The following RBP5 variants were observed in gnomAD, a reference collection of about 807,000 sequenced individuals.
RBP5 encodes the protein retinol binding protein 5.
A neutral mutation model predicts 17.8 loss-of-function variants in RBP5; 12 were observed. That is an observed-to-expected ratio of 0.67 (90% CI 0.43 to 1.09). RBP5 has a LOEUF of 1.09. Among genes scored for constraint, RBP5 ranks in the 50% least tolerant of loss-of-function variants. RBP5 has a pLI of 0.00. For missense variants in RBP5, 172 were observed against 169.4 expected, an observed-to-expected ratio of 1.02 and a Z score of -0.09; for synonymous variants, 64 against 68.1, an observed-to-expected ratio of 0.94 and a Z score of 0.30.
intron 2 of RBP5, among the ~76,000 whole-genome samples, chr12:7,126,475 C>A (rs150433255): frequency 1.4e-3 from 186 of 130,496 alleles, no homozygotes; most frequent in African/African-American, 5.4e-3. Flanking sequence ...ACAAAGATTT[C>A]TTGGCCGATT....
At chr12:7,129,699 A>G (rs928772999), upstream of RBP5, 15 of 985,486 alleles carry the variant, frequency 1.5e-5, no homozygotes, top group Admixed American at 6.1e-5. This position sits in a 1 kb window ranked among gnomAD's most constrained non-coding sequence, Gnocchi z 5.5. Context: ...CAGCTGCCCA[A>G]TTCTCTCTCG....
intron 3 of RBP5, chr12:7,118,529 G>T (rs779200959): frequency 6.6e-6 from 1 of 152,386 alleles, no homozygotes; most frequent in Non-Finnish European, 1.5e-5. Context: ...AAAGGAAGAT[G>T]CTGGCTCTCA....
Position 7,128,160 on chromosome 12 carries a change from G to T in RBP5, c.252+80C>A. On this transcript the variant is annotated intron_variant, in intron 2 of 3. Coordinates refer to ENST00000266560, the MANE Select transcript of RBP5 (RefSeq NM_031491.4). The surrounding 1 kb of genome is among the most constrained non-coding windows in gnomAD (Gnocchi z 5.3). ...CTCCCCGCTGCTCTGGCTGGGGAAG[G>T]TCACTTTGTTTTGCCCCATGTTGTT... 7.5e-7 allele frequency: 1 copy of T among 1,324,772 alleles called. No homozygotes were observed. The highest frequency in any genetic ancestry group is 1.0e-6 in the Non-Finnish European group (1 of 961,148). The allele number at this position is 1,324,772 out of a possible 1,614,324, so 82.1% of individuals were successfully genotyped here.
At position 7,128,566 on chromosome 12, in the gene RBP5, C is replaced by G; in HGVS notation, c.73+137G>C. ...TACCAATGCCTGGTTAGAAATGGAT[C>G]CCAGGTCTGGTGCCAGCCGCCTGAG... On this transcript the variant is annotated intron_variant, in intron 1 of 3. Transcript: ENST00000266560. This position sits in a 1 kb window ranked among gnomAD's most constrained non-coding sequence, Gnocchi z 5.3. 8.4e-7 allele frequency: 1 copy of G among 1,184,340 alleles called. No homozygotes were observed. The highest frequency in any genetic ancestry group is 1.5e-5 in the African/African-American group (1 of 65,802). The allele number at this position is 1,184,340 out of a possible 1,614,324, so 73.4% of individuals were successfully genotyped here.
chr12:7,123,990 G>A lies in RBP5; in HGVS notation c.*131C>T. On this transcript the variant is annotated 3_prime_UTR_variant, in exon 4 of 4. Coordinates refer to ENST00000266560, the MANE Select transcript of RBP5 (RefSeq NM_031491.4). ...TACAGATTAACACGGGGAGGGGTGA[G>A]GAGGGACCCAGAGGGAGGAAAGGTG... 1.2e-6 allele frequency: 1 copy of A among 825,498 alleles called. No homozygotes were observed. Among genetic ancestry groups the A allele is most frequent in the Admixed American group, 1.8e-5 (1 of 55,420 alleles). The allele number at this position is 825,498 out of a possible 1,614,324, so 51.1% of individuals were successfully genotyped here. A position where few individuals can be genotyped will look rare whatever the true frequency, so the allele number is the denominator to read the frequency against.
chr12:7,129,838 G>A (rs1939244569), upstream of RBP5: 1 of 983,158 alleles, frequency 1.0e-6, no homozygotes, highest in Non-Finnish European at 1.2e-6. This position sits in a 1 kb window ranked among gnomAD's most constrained non-coding sequence, Gnocchi z 5.5. Flanking sequence ...GTGCGTGCGC[G>A]AGGGGTGCAC....
In RBP5 at chr12:7,124,727, T is replaced by C. The variant is rs141397232; in HGVS notation, c.256A>G (p.Ile86Val). Residue 86 changes from isoleucine to valine, a missense_variant, in exon 3 of 4, where the codon ATA (isoleucine) becomes GTA (valine). Coordinates refer to ENST00000266560, the MANE Select transcript of RBP5 (RefSeq NM_031491.4). This position sits in a 1 kb window ranked among gnomAD's most constrained non-coding sequence, Gnocchi z 5.3. ...AGGTGCTCCTCCTCCCAGGTTACTA[T>C]GGTCTATAGGGGAAAGAGGGAGTAA... Reference protein sequence around the residue: ...RSVDGRKCQTIVTWEEEHLVC... With the variant: ...RSVDGRKCQTVVTWEEEHLVC... The C allele has an allele frequency of 1.1e-5, 17 of 1,593,810 alleles. No homozygotes were observed. In the South Asian group the frequency reaches 1.2e-4, roughly 11 times the overall value.
Position 7,128,224 on chromosome 12 carries a change from G to A in RBP5, c.252+16C>T. ...GATGCCTCCTTCCGGCCACCGCCCAGCCAGGGGAAATGTACCTGGCATTTT... is the reference window on the plus strand; with the variant it reads ...GATGCCTCCTTCCGGCCACCGCCCAACCAGGGGAAATGTACCTGGCATTTT... On this transcript the variant is annotated intron_variant, in intron 2 of 3. Coordinates refer to ENST00000266560, the MANE Select transcript of RBP5 (RefSeq NM_031491.4). The surrounding 1 kb of genome is among the most constrained non-coding windows in gnomAD (Gnocchi z 5.3). The A allele has an allele frequency of 6.3e-7, 1 of 1,599,218 alleles. No individual in the cohort carries two copies. The highest frequency in any genetic ancestry group is 8.5e-7 in the Non-Finnish European group (1 of 1,170,444).
At chr12:7,129,725 CG>C, upstream of RBP5, 17 of 985,488 alleles carry the variant, frequency 1.7e-5, no homozygotes, top group Non-Finnish European at 2.0e-5. The surrounding 1 kb of genome is among the most constrained non-coding windows in gnomAD (Gnocchi z 5.5). Flanking sequence ...GCCATCGTCC[CG>C]GGCTTCAGAA....
downstream of RBP5, chr12:7,119,387 T>C (rs954282656): frequency 7.0e-6 from 1 of 142,118 alleles, no homozygotes; most frequent in Non-Finnish European, 1.5e-5. Flanking sequence ...AGGGCAATGC[T>C]GTCCCGGGGA....
rs1474705345 is a variant in RBP5 at position 7,118,408 on chromosome 12, A to G, written n.890-1101T>C. On this transcript the variant is annotated intron_variant and non_coding_transcript_variant, in intron 3 of 3. Transcript: ENST00000619522. The stretch of plus-strand genomic sequence containing the variant: ...GGGAGCACAGGCACACAGAAGTGAA[A>G]GAATTCGCCTGAGGTTACACGACTC... 4 of 152,322 alleles carry G rather than the reference A, an allele frequency of 2.6e-5. No homozygotes were observed. The East Asian group carries it at 7.7e-4, about 29-fold the overall frequency. 9.4% of individuals were successfully genotyped at this position (152,322 alleles called of 1,614,324 possible).
rs927104138 is a variant in RBP5 at position 7,125,975 on chromosome 12, G to A, written c.253-1245C>T. On this transcript the variant is annotated intron_variant, in intron 2 of 3. Coordinates refer to ENST00000266560, the MANE Select transcript of RBP5 (RefSeq NM_031491.4). ...CAGCTGGGTGCAGTGGCTTAGGCCC[G>A]TAATCTCAGCATTTGGGAGGCTGAG... Among the ~76,000 whole-genome samples, 38 of 151,286 alleles carry A rather than the reference G, an allele frequency of 2.5e-4. 1 individual carries two copies. The highest frequency in any genetic ancestry group is 1.9e-4 in the East Asian group (1 of 5,164).
At position 7,128,584 on chromosome 12, in the gene RBP5, C is replaced by T. The variant is rs1166766173; in HGVS notation, c.73+119G>A. On this transcript the variant is annotated intron_variant, in intron 1 of 3. Transcript: ENST00000266560. The surrounding 1 kb of genome is among the most constrained non-coding windows in gnomAD (Gnocchi z 5.3). ...AATGGATCCCAGGTCTGGTGCCAGC[C>T]GCCTGAGCCTTTCCACAGTGTCCAA... 1.5e-5 allele frequency: 18 copies of T among 1,206,712 alleles called. No individual in the cohort carries two copies. In the East Asian group the frequency reaches 1.8e-4, roughly 12 times the overall value. The allele number at this position is 1,206,712 out of a possible 1,614,324, so 74.8% of individuals were successfully genotyped here.
chr12:7,129,368 C>T (rs776356445), upstream of RBP5: 1 of 166,432 alleles, frequency 6.0e-6, no homozygotes, highest in African/African-American at 2.4e-5. This position sits in a 1 kb window ranked among gnomAD's most constrained non-coding sequence, Gnocchi z 5.5. Context: ...AGGCCTGGCT[C>T]TCAGAGCTCC....
At chr12:7,126,654 T>C (rs973877386) in intron 2 of RBP5, among the ~76,000 whole-genome samples, 13 of 151,900 alleles carry the variant, frequency 8.6e-5, no homozygotes, top group Non-Finnish European at 1.3e-4. Flanking sequence ...AGAGTAGATA[T>C]AAAAGTGGGG....
chr12:7,128,986 G>T (rs1220303156), upstream of RBP5: 1 of 548,774 alleles, frequency 1.8e-6, no homozygotes, highest in Non-Finnish European at 3.4e-6. This position sits in a 1 kb window ranked among gnomAD's most constrained non-coding sequence, Gnocchi z 5.3. Context: ...GTGAGTTTGG[G>T]GGTGGTGTCT....
rs1163326454 is a variant in RBP5 at position 7,124,901 on chromosome 12, A to G, written c.253-171T>C. On this transcript the variant is annotated intron_variant, in intron 2 of 3. Transcript: ENST00000266560. This position sits in a 1 kb window ranked among gnomAD's most constrained non-coding sequence, Gnocchi z 5.3. ...TTCAGCAGGACTCCCTTTCCACCCT[A>G]CTCTTTGTTTTTTGTGTTTTTTTGA... is the stretch of plus-strand genomic sequence containing the variant. Among the ~76,000 whole-genome samples, 2 of 151,016 alleles carry G rather than the reference A, an allele frequency of 1.3e-5. No individual in the cohort carries two copies. The highest frequency in any genetic ancestry group is 1.3e-4 in the Admixed American group (2 of 15,172).
chr12:7,124,526 G>A lies in RBP5; in HGVS notation c.354+103C>T. 1.4e-6 allele frequency: 1 copy of A among 721,388 alleles called. No homozygotes were observed. Among genetic ancestry groups the A allele is most frequent in the Non-Finnish European group, 2.5e-6 (1 of 400,804 alleles). 44.7% of individuals were successfully genotyped at this position (721,388 alleles called of 1,614,324 possible). Reference sequence around the variant, plus strand: ...TGGTCAATTCCTTGGATAGGGATTGGGGCTGGGCTGGGGGAAGAGTGGTGG... The same window carrying A: ...TGGTCAATTCCTTGGATAGGGATTGAGGCTGGGCTGGGGGAAGAGTGGTGG... On this transcript the variant is annotated intron_variant, in intron 3 of 3. Coordinates refer to ENST00000266560, the MANE Select transcript of RBP5 (RefSeq NM_031491.4). This position sits in a 1 kb window ranked among gnomAD's most constrained non-coding sequence, Gnocchi z 5.3.
In RBP5 at chr12:7,127,719, A is replaced by C. The variant is rs773491042; in HGVS notation, c.252+521T>G. 162 of 702,318 alleles carry C rather than the reference A, an allele frequency of 2.3e-4. No individual in the cohort carries two copies. In the African/African-American group the frequency reaches 2.6e-3, roughly 11 times the overall value. The allele number at this position is 702,318 out of a possible 1,614,324, so 43.5% of individuals were successfully genotyped here. On this transcript the variant is annotated intron_variant, in intron 2 of 3. Coordinates refer to ENST00000266560, the MANE Select transcript of RBP5 (RefSeq NM_031491.4). ...AATTCATGCCAAGGGCAGCCTATAG[A>C]TGGAAGCAGAAGGCATGGGTGTAGA... is the stretch of plus-strand genomic sequence containing the variant.
Sources: gnomAD v4.1 joint callset for allele counts (sites outside exome capture counted in the v4.1 genomes callset) on GRCh38, gnomAD v4.1.1 for gene constraint, Gnocchi (gnomAD v3.1) non-coding constraint, MANE v1.5 for transcripts, NCBI Gene and HGNC (gene_info 2026-07-23, HGNC 2026-07-21) for gene names.